Variants in CRIM1 observed in about 807,000 individuals in gnomAD.
CRIM1 encodes the protein cysteine-rich motor neuron 1 protein.
Under a neutral mutation model 116.4 loss-of-function variants are expected in CRIM1, and 32 were observed. The ratio of observed to expected loss-of-function variants is 0.27; its 90% confidence interval spans 0.21 to 0.37. The LOEUF is 0.37. CRIM1 is among the 10% of genes least tolerant of loss of function. The probability of loss-of-function intolerance (pLI) is 1.00; values close to 1 mark genes in which losing one functional copy is unlikely to be tolerated. For synonymous variants in CRIM1, 590 were observed against 509.2 expected (o/e 1.16, Z -2.13); for missense variants, 1,331 against 1,354.8 (o/e 0.98, Z 0.28).
intron 4 of CRIM1, among the ~76,000 whole-genome samples, chr2:36,443,287 C>A (rs1043437724): frequency 1.3e-5 from 2 of 152,214 alleles, no homozygotes; most frequent in African/African-American, 4.8e-5. Context: ...ACCCTAGTAG[C>A]AGGGCATGCA....
chr2:36,407,259 G>C lies in CRIM1; in HGVS notation c.505+10472G>C, dbSNP rs570884412. Among the ~76,000 whole-genome samples the C allele has an allele frequency of 2.6e-5, 4 of 152,230 alleles. No individual in the cohort carries two copies. In the East Asian group the frequency reaches 7.7e-4, roughly 29 times the overall value. On this transcript the variant is annotated intron_variant, in intron 2 of 16. Transcript: ENST00000280527. Reference sequence around the variant, plus strand: ...CACACATATACATATTCGTGTGTATGTATATGTATATCTGTAAACACAGAT... The same window carrying C: ...CACACATATACATATTCGTGTGTATCTATATGTATATCTGTAAACACAGAT...
intron 1 of CRIM1, among the ~76,000 whole-genome samples, chr2:36,391,533 T>G (rs1671604458): frequency 6.6e-6 from 1 of 152,094 alleles, no homozygotes; most frequent in Non-Finnish European, 1.5e-5. Context: ...CAGTTACATA[T>G]TGGCTAAATC....
chr2:36,531,479 C>T (rs1326455705), intron 13 of CRIM1, among the ~76,000 whole-genome samples: 1 of 151,870 alleles, frequency 6.6e-6, no homozygotes, highest in Non-Finnish European at 1.5e-5. Context: ...GCCACCATCT[C>T]AGTGACTCCT....
At chr2:36,413,771 G>A (rs1673390102) in intron 2 of CRIM1, among the ~76,000 whole-genome samples, 1 of 152,120 alleles carries the variant, frequency 6.6e-6, no homozygotes, top group Admixed American at 6.5e-5. Context: ...GGCTAAAGAT[G>A]TTTCTTCTAC....
intron 4 of CRIM1, among the ~76,000 whole-genome samples, chr2:36,445,284 G>A (rs1436082425): frequency 2.0e-5 from 3 of 151,988 alleles, no homozygotes; most frequent in African/African-American, 7.3e-5. Flanking sequence ...TTTATGGTGC[G>A]GTACTCCTCA....
chr2:36,497,269 G>A (rs950953315), intron 7 of CRIM1, among the ~76,000 whole-genome samples: 3 of 152,248 alleles, frequency 2.0e-5, no homozygotes, highest in Middle Eastern at 3.4e-3. Context: ...TGGCCTAATC[G>A]CTCTAGAACA....
chr2:36,364,588 C>T (rs2148286858), intron 1 of CRIM1, among the ~76,000 whole-genome samples: 1 of 152,282 alleles, frequency 6.6e-6, no homozygotes, highest in East Asian at 1.9e-4. Flanking sequence ...TCTCCTCCCT[C>T]CTTTTTTCCT....
At position 36,509,950 on chromosome 2, in the gene CRIM1, T is replaced by C. The variant is rs1681699822; in HGVS notation, c.1502-33T>C. 4 of 1,604,136 alleles carry C rather than the reference T, an allele frequency of 2.5e-6. No individual in the cohort carries two copies. In the East Asian group the frequency reaches 8.9e-5, roughly 36 times the overall value. ...CGAAGTGTTCTGCTCTGTTCATCTT[T>C]GGAAGAAACATGCCGTCTCTGTGTC... On this transcript the variant is annotated intron_variant, in intron 8 of 16. Transcript: ENST00000280527.
intron 13 of CRIM1, among the ~76,000 whole-genome samples, chr2:36,535,997 T>C (rs1290734148): frequency 1.3e-5 from 2 of 152,238 alleles, no homozygotes; most frequent in East Asian, 1.9e-4. Context: ...ATCCATGGGG[T>C]CCTAGAACCA....
At chr2:36,364,551 A>G (rs1669462265) in intron 1 of CRIM1, among the ~76,000 whole-genome samples, 1 of 152,222 alleles carries the variant, frequency 6.6e-6, no homozygotes, top group Non-Finnish European at 1.5e-5. Context: ...TGGAGGATGC[A>G]GCAACAAGAA....
At chr2:36,410,704 A>T (rs1379607920) in intron 2 of CRIM1, among the ~76,000 whole-genome samples, 2 of 152,122 alleles carry the variant, frequency 1.3e-5, no homozygotes, top group African/African-American at 4.8e-5. Flanking sequence ...TCTATATTCT[A>T]TTAAATATTG....
At chr2:36,540,512 A>C (rs1039394864) in intron 14 of CRIM1, among the ~76,000 whole-genome samples, 1 of 146,346 alleles carries the variant, frequency 6.8e-6, no homozygotes, top group African/African-American at 2.4e-5. Flanking sequence ...GGAAAAGTCA[A>C]GGCCGGTGCC....
intron 2 of CRIM1, among the ~76,000 whole-genome samples, chr2:36,423,476 T>C (rs1197372521): frequency 6.6e-6 from 1 of 152,256 alleles, no homozygotes; most frequent in African/African-American, 2.4e-5. Context: ...GTATGTATTA[T>C]AGTAATGTGC....
intron 7 of CRIM1, among the ~76,000 whole-genome samples, chr2:36,494,223 C>T (rs900386619): frequency 2.0e-5 from 3 of 152,018 alleles, no homozygotes; most frequent in African/African-American, 7.2e-5. Flanking sequence ...AGCTTAATTT[C>T]GCCATTGAGT....
chr2:36,387,473 T>C (rs1451979995), intron 1 of CRIM1, among the ~76,000 whole-genome samples: 1 of 152,174 alleles, frequency 6.6e-6, no homozygotes, highest in Non-Finnish European at 1.5e-5. Flanking sequence ...TGTGTCTGAA[T>C]AGAAGGCTGA....
intron 13 of CRIM1, among the ~76,000 whole-genome samples, chr2:36,522,923 A>T (rs1665507061): frequency 6.6e-6 from 1 of 151,472 alleles, no homozygotes; most frequent in Non-Finnish European, 1.5e-5. Flanking sequence ...TCAATTTCAG[A>T]ACTCTGTTTC....
rs990814821 is a variant in CRIM1, at chr2:36,547,164, C to T, written c.2927C>T (p.Pro976Leu). Reference sequence around the variant, plus strand: ...CCACTGCTTTGCTGGTATCGAACACCAACTAAGGTACTGTCTTGCAAAAGT... The same window carrying T: ...CCACTGCTTTGCTGGTATCGAACACTAACTAAGGTACTGTCTTGCAAAAGT... ...WIPLLCWYRT[P>L]TKPSSLNNQL... is the part of the protein sequence containing the mutation. The change falls in exon 16 of 17, where the codon CCA becomes CTA. Residue 976 changes from proline (P) to leucine (L), a missense_variant. By Grantham distance (98) the Pro-to-Leu change is moderately conservative. Coordinates refer to ENST00000280527, the MANE Select transcript of CRIM1 (RefSeq NM_016441.3). 1.2e-6 allele frequency: 2 copies of T among 1,610,230 alleles called. No individual in the cohort carries two copies. The highest frequency in any genetic ancestry group is 2.2e-5 in the East Asian group (1 of 44,708).
chr2:36,532,286 CCT>C lies in CRIM1; in HGVS notation c.2429-5065_2429-5064del, dbSNP rs752679522. ...ATCATGTTTATTTGGATATATAACCCCTGATTGGTTTGTTTTAAAAATAAACG... is the reference window on the plus strand; with the variant it reads ...ATCATGTTTATTTGGATATATAACCCGATTGGTTTGTTTTAAAAATAAACG... On this transcript the variant is annotated intron_variant, in intron 13 of 16. Transcript: ENST00000280527. Among the ~76,000 whole-genome samples the C allele has an allele frequency of 5.0e-4, 76 of 152,230 alleles. 1 individual carries two copies. Among genetic ancestry groups the C allele is most frequent in the Non-Finnish European group, 7.4e-4 (50 of 68,004 alleles).
chr2:36,464,110 G>A (rs1677801139), intron 4 of CRIM1, among the ~76,000 whole-genome samples: 1 of 152,116 alleles, frequency 6.6e-6, no homozygotes, highest in African/African-American at 2.4e-5. Context: ...TTGCAGCAAA[G>A]GAGCAACATG....
Sources: gnomAD v4.1 joint callset for allele counts (sites outside exome capture counted in the v4.1 genomes callset) on GRCh38, gnomAD v4.1.1 for gene constraint, MANE v1.5 for transcripts, NCBI Gene and HGNC (gene_info 2026-07-23, HGNC 2026-07-21) for gene names.